The following ARHGAP22 variants were observed in gnomAD, a reference collection of about 807,000 sequenced individuals.
ARHGAP22 encodes Rho GTPase activating protein 22.
In ARHGAP22, 48 loss-of-function variants were observed where a neutral mutation model predicts 59.1. The observed-to-expected ratio is 0.81, with a 90% CI of 0.64 to 1.03. The LOEUF is 1.03. ARHGAP22 is among the 50% of genes least tolerant of loss of function. The pLI is 0.00. For synonymous variants in ARHGAP22, 445 were observed against 416.4 expected (o/e 1.07, Z -0.84); for missense variants, 1,015 against 958.7 (o/e 1.06, Z -0.78).
chr10:48,636,162 G>A (rs572432934), intron 1 of ARHGAP22, among the ~76,000 whole-genome samples: 4 of 152,230 alleles, frequency 2.6e-5, no homozygotes, highest in East Asian at 1.9e-4. Context: ...AGGCTTGGGG[G>A]TTAAGGGGTT....
chr10:48,479,835 T>G, intron 3 of ARHGAP22, 71 bp from the exon 4 acceptor site: 1 of 1,398,552 alleles, frequency 7.2e-7, no homozygotes, highest in Non-Finnish European at 9.5e-7. Flanking sequence ...CCGGCACTAG[T>G]CAGCATTACT....
At chr10:48,587,918 C>G (rs935287) in intron 1 of ARHGAP22, among the ~76,000 whole-genome samples, 1 of 152,190 alleles carries the variant, frequency 6.6e-6, no homozygotes, top group African/African-American at 2.4e-5. Flanking sequence ...TCTGTCCCAG[C>G]GGTGGACAAT....
At chr10:48,543,726 G>A (rs916169432) in intron 3 of ARHGAP22, among the ~76,000 whole-genome samples, 2 of 152,184 alleles carry the variant, frequency 1.3e-5, no homozygotes, top group East Asian at 1.9e-4. Context: ...GCTGTAAAGC[G>A]ATGATTATTA....
intron 2 of ARHGAP22, chr10:48,582,743 A>G (rs536298683): frequency 3.3e-6 from 2 of 598,392 alleles, no homozygotes; most frequent in Non-Finnish European, 5.8e-6. Flanking sequence ...AAACATTTTC[A>G]TTGCAGAAGT....
At chr10:48,454,838 C>T (rs1166291478) in intron 6 of ARHGAP22, among the ~76,000 whole-genome samples, 164 bp downstream of exon 6, 6 of 151,700 alleles carry the variant, frequency 4.0e-5, no homozygotes, top group African/African-American at 1.2e-4. Flanking sequence ...CCCTCCCCCA[C>T]CCAAGCAGGA....
At chr10:48,556,128 T>A (rs1186606505) in intron 2 of ARHGAP22, among the ~76,000 whole-genome samples, 1 of 152,136 alleles carries the variant, frequency 6.6e-6, no homozygotes, top group Non-Finnish European at 1.5e-5. Flanking sequence ...TCTCTAGTGC[T>A]GAGGTCTGGC....
chr10:48,505,669 G>T (rs528182256), intron 3 of ARHGAP22, among the ~76,000 whole-genome samples: 2 of 152,300 alleles, frequency 1.3e-5, no homozygotes, highest in East Asian at 3.9e-4. Flanking sequence ...AGGATGGGTG[G>T]ATGGGGATCC....
chr10:48,452,705 C>G (rs1469937468), intron 8 of ARHGAP22, among the ~76,000 whole-genome samples: 1 of 152,224 alleles, frequency 6.6e-6, no homozygotes, highest in Non-Finnish European at 1.5e-5. Flanking sequence ...GTCTGGCTGA[C>G]TGGCCTCTGG....
intron 3 of ARHGAP22, among the ~76,000 whole-genome samples, chr10:48,540,883 C>A (rs969648212): frequency 1.3e-5 from 2 of 151,962 alleles, no homozygotes; most frequent in South Asian, 4.1e-4. Context: ...GGCTACTCAA[C>A]CCCGGACTAG....
chr10:48,588,849 C>T (rs917011191), intron 1 of ARHGAP22, among the ~76,000 whole-genome samples: 9 of 152,164 alleles, frequency 5.9e-5, no homozygotes, highest in African/African-American at 2.2e-4. Context: ...GGATGCTGAC[C>T]CTGAGGTGCC....
At chr10:48,533,262 A>C (rs2055037278) in intron 3 of ARHGAP22, among the ~76,000 whole-genome samples, 1 of 150,720 alleles carries the variant, frequency 6.6e-6, no homozygotes, top group Non-Finnish European at 1.5e-5. Context: ...CAAGCCCCAT[A>C]CATCTTTTTC....
At chr10:48,643,483 C>G (rs2062145760) in intron 1 of ARHGAP22, among the ~76,000 whole-genome samples, 1 of 151,956 alleles carries the variant, frequency 6.6e-6, no homozygotes, top group South Asian at 2.1e-4. Context: ...AACCATCATT[C>G]TCAGCAAACT....
chr10:48,623,804 T>C (rs892494332), intron 1 of ARHGAP22, among the ~76,000 whole-genome samples: 4 of 152,288 alleles, frequency 2.6e-5, no homozygotes, highest in Middle Eastern at 3.4e-3. Context: ...GAAATAGCAA[T>C]TGGCACAGGG....
intron 4 of ARHGAP22, 105 bp downstream of exon 4, chr10:48,479,531 G>C: frequency 6.3e-7 from 1 of 1,587,466 alleles, no homozygotes; most frequent in Non-Finnish European, 8.6e-7. Flanking sequence ...GATGCAGCCA[G>C]CAAGTCCTCA....
chr10:48,652,796 G>A (rs188214099), upstream of ARHGAP22, among the ~76,000 whole-genome samples: 1 of 152,136 alleles, frequency 6.6e-6, no homozygotes, highest in Admixed American at 6.5e-5. Flanking sequence ...CCTTTGTCTG[G>A]TGGGCACAGC....
intron 3 of ARHGAP22, among the ~76,000 whole-genome samples, chr10:48,488,482 C>T (rs72785107): frequency 0.13 from 20,499 of 152,120 alleles, 1,386 homozygotes; most frequent in Non-Finnish European, 0.14. Flanking sequence ...TCTGTATTTC[C>T]ATAAATATTC....
At chr10:48,552,321 T>C (rs1300428138) in intron 3 of ARHGAP22, among the ~76,000 whole-genome samples, 2 of 152,256 alleles carry the variant, frequency 1.3e-5, no homozygotes, top group African/African-American at 4.8e-5. Context: ...CTTCCTCATA[T>C]CCTGCCCTGA....
At chr10:48,570,798 C>CT (rs2058349117) in intron 2 of ARHGAP22, among the ~76,000 whole-genome samples, 1 of 152,218 alleles carries the variant, frequency 6.6e-6, no homozygotes, top group Non-Finnish European at 1.5e-5. Context: ...TCCATCAGCT[C>CT]TCTTGCCACC....
chr10:48,585,574 C>T (rs1163259627), intron 1 of ARHGAP22, among the ~76,000 whole-genome samples: 1 of 152,174 alleles, frequency 6.6e-6, no homozygotes, highest in Non-Finnish European at 1.5e-5. Context: ...GGGGTTGTCC[C>T]CTCCAGACAG....
Sources: gnomAD v4.1 joint callset for allele counts (sites outside exome capture counted in the v4.1 genomes callset) on GRCh38, gnomAD v4.1.1 for gene constraint, MANE v1.5 for transcripts, NCBI Gene and HGNC (gene_info 2026-07-23, HGNC 2026-07-21) for gene names.